Variants in LIMA1 observed in about 807,000 individuals in gnomAD.
LIMA1 encodes the protein LIM domain and actin-binding protein 1.
LIMA1 carries 52 observed loss-of-function variants against 62.6 expected under a neutral mutation model. The ratio of observed to expected loss-of-function variants is 0.83; its 90% CI spans 0.67 to 1.05. The LOEUF (loss-of-function observed/expected upper bound fraction) is 1.05. LIMA1 is among the 50% of genes least tolerant of loss of function. LIMA1 has a pLI of 0.00. For synonymous variants in LIMA1, 302 were observed against 317.8 expected (o/e 0.95, Z 0.53); for missense variants, 780 against 902.2 (o/e 0.86, Z 1.74).
At chr12:50,195,958 G>A in intron 7 of LIMA1, 71 bp from the exon 8 acceptor site, 3 of 1,448,628 alleles carry the variant, frequency 2.1e-6, no homozygotes, top group Non-Finnish European at 2.7e-6. Context: ...AGAGCAAACT[G>A]CTGTTAATGC....
At chr12:50,230,090 A>C (rs1941587474) in intron 3 of LIMA1, 1 of 152,250 alleles carries the variant, frequency 6.6e-6, no homozygotes, top group African/African-American at 2.4e-5. Context: ...GCTGGAGTGC[A>C]GTGGTGCTAT....
intron 6 of LIMA1, chr12:50,201,291 A>G: frequency 5.0e-6 from 5 of 1,006,630 alleles, no homozygotes; most frequent in Non-Finnish European, 4.7e-6. Flanking sequence ...CAATAATAGA[A>G]AATATACTGA....
intron 1 of LIMA1, among the ~76,000 whole-genome samples, chr12:50,266,463 C>T (rs1565863858): frequency 6.6e-6 from 1 of 152,200 alleles, no homozygotes; most frequent in African/African-American, 2.4e-5. Context: ...ACAGATCTAT[C>T]TCAATCTTTC....
intron 5 of LIMA1, among the ~76,000 whole-genome samples, chr12:50,205,199 T>TCCCAAG (rs1565839723): frequency 6.6e-6 from 1 of 151,412 alleles, no homozygotes; most frequent in Non-Finnish European, 1.5e-5. Flanking sequence ...CACCTCAGTT[T>TCCCAAG]CCCAAGTAGC....
At chr12:50,282,552 C>G (rs951830893) in intron 1 of LIMA1, among the ~76,000 whole-genome samples, 1 of 152,068 alleles carries the variant, frequency 6.6e-6, no homozygotes. Context: ...TTTGTAGAGA[C>G]AAGGGTCTCG....
At chr12:50,205,794 C>CA (rs5798132) in intron 5 of LIMA1, among the ~76,000 whole-genome samples, 190 bp downstream of exon 5, 3,865 of 79,550 alleles carry the variant, frequency 0.049, 248 homozygotes, top group African/African-American at 0.15. Flanking sequence ...ACTTCCGTCT[C>CA]AAAAAAAAAA....
At chr12:50,235,249 A>G (rs1004888196) in intron 2 of LIMA1, among the ~76,000 whole-genome samples, 2 of 150,172 alleles carry the variant, frequency 1.3e-5, no homozygotes, top group African/African-American at 2.5e-5. Flanking sequence ...AGAGTATTAC[A>G]TAAAGGGTCT....
Position 50,192,432 on chromosome 12 carries a change from G to A in LIMA1, c.1140+20C>T. 6.7e-7 allele frequency: 1 copy of A among 1,483,626 alleles called. No individual in the cohort carries two copies. Among genetic ancestry groups the A allele is most frequent in the Non-Finnish European group, 9.4e-7 (1 of 1,061,102 alleles). The allele number at this position is 1,483,626 out of a possible 1,614,324, so 91.9% of individuals were successfully genotyped here. A position where few individuals can be genotyped will look rare whatever the true frequency, so the allele number is the denominator to read the frequency against. On this transcript the variant is annotated intron_variant, in intron 9 of 10. Transcript: ENST00000341247. Reference sequence around the variant, plus strand: ...CAGTAGACCAATGTCCAAAGGCTCAGAGAGAAATTGCCATCATACCTTCAT... The same window carrying A: ...CAGTAGACCAATGTCCAAAGGCTCAAAGAGAAATTGCCATCATACCTTCAT...
At chr12:50,217,924 T>G (rs1431014380) in intron 4 of LIMA1, 1 of 144,278 alleles carries the variant, frequency 6.9e-6, no homozygotes, top group Non-Finnish European at 1.4e-5. Flanking sequence ...TTTTTTTTTT[T>G]GAGACGGAGT....
At chr12:50,209,485 T>C (rs1478209869) in intron 4 of LIMA1, among the ~76,000 whole-genome samples, 3 of 150,298 alleles carry the variant, frequency 2.0e-5, no homozygotes, top group Non-Finnish European at 4.4e-5. Flanking sequence ...TGAGAATCAC[T>C]TGAACTTCAG....
intron 2 of LIMA1, among the ~76,000 whole-genome samples, chr12:50,237,880 A>G (rs1941718384): frequency 2.0e-5 from 3 of 152,204 alleles, no homozygotes. Context: ...GGAAAACTGG[A>G]TAGCCACATG....
At chr12:50,255,549 CAA>C (rs1185514558) in intron 1 of LIMA1, among the ~76,000 whole-genome samples, 2 of 39,672 alleles carry the variant, frequency 5.0e-5, no homozygotes, top group Admixed American at 2.9e-4. Context: ...CAGACCCTGT[CAA>C]AAAAAAAAAA....
chr12:50,217,810 G>T, intron 4 of LIMA1: 1 of 298,562 alleles, frequency 3.3e-6, no homozygotes, highest in Non-Finnish European at 6.7e-6. Context: ...CATCCAGCCT[G>T]GGAAGTACAC....
chr12:50,192,994 G>A (rs1940812359), intron 8 of LIMA1, among the ~76,000 whole-genome samples: 1 of 105,676 alleles, frequency 9.5e-6, no homozygotes, highest in Non-Finnish European at 1.9e-5. Flanking sequence ...GTGTGTGTGT[G>A]TGTGTGTGTG....
intron 9 of LIMA1, among the ~76,000 whole-genome samples, chr12:50,184,588 G>A (rs1271655590): frequency 6.6e-6 from 1 of 152,168 alleles, no homozygotes; most frequent in African/African-American, 2.4e-5. Context: ...GTTGCTGTGA[G>A]CTGAGATCTC....
At chr12:50,260,249 G>A (rs185450148) in intron 1 of LIMA1, among the ~76,000 whole-genome samples, 2 of 151,686 alleles carry the variant, frequency 1.3e-5, no homozygotes, top group Non-Finnish European at 2.9e-5. Context: ...CTGGGTTCAA[G>A]TGATTCTCCT....
chr12:50,199,612 T>C (rs1438318697), intron 7 of LIMA1, among the ~76,000 whole-genome samples: 1 of 152,112 alleles, frequency 6.6e-6, no homozygotes, highest in Non-Finnish European at 1.5e-5. Context: ...TAATCTCTCC[T>C]CTACTCTGTT....
intron 2 of LIMA1, among the ~76,000 whole-genome samples, chr12:50,237,047 C>T (rs1941706957): frequency 6.6e-6 from 1 of 152,110 alleles, no homozygotes; most frequent in South Asian, 2.1e-4. Flanking sequence ...TTGTCTATGC[C>T]TTCTTTAATA....
chr12:50,204,366 C>T (rs1439826500), intron 6 of LIMA1, 186 bp downstream of exon 6: 3 of 577,350 alleles, frequency 5.2e-6, no homozygotes, highest in Non-Finnish European at 8.2e-6. Context: ...ACTAAGAAAG[C>T]AAAGTCAGGA....
Sources: gnomAD v4.1 joint callset for allele counts (sites outside exome capture counted in the v4.1 genomes callset) on GRCh38, gnomAD v4.1.1 for gene constraint, MANE v1.5 for transcripts, NCBI Gene and HGNC (gene_info 2026-07-23, HGNC 2026-07-21) for gene names.